Variants in TNIK observed in about 807,000 individuals in gnomAD.
TNIK encodes TRAF2 and NCK interacting kinase.
TNIK carries 49 observed loss-of-function variants against 191.3 expected under a neutral mutation model. That is an observed-to-expected ratio of 0.26 (90% CI 0.20 to 0.32). TNIK has a LOEUF of 0.32. Among genes scored for constraint, TNIK ranks in the 10% least tolerant of loss-of-function variants. The pLI is 1.00. For missense variants in TNIK, 1,155 were observed against 1,702.3 expected, an observed-to-expected ratio of 0.68 and a Z score of 5.66; for synonymous variants, 594 against 600.9, an observed-to-expected ratio of 0.99 and a Z score of 0.17.
intron 11 of TNIK, among the ~76,000 whole-genome samples, chr3:171,158,725 T>C (rs1418676831): frequency 6.6e-6 from 1 of 152,158 alleles, no homozygotes; most frequent in East Asian, 1.9e-4. Context: ...AGACAAATAA[T>C]TTCAGGTATT....
intron 1 of TNIK, among the ~76,000 whole-genome samples, chr3:171,442,671 C>T (rs1726973443): frequency 1.3e-5 from 2 of 152,158 alleles, no homozygotes; most frequent in African/African-American, 4.8e-5. Context: ...TAATAATTAT[C>T]CACTGGCACT....
At chr3:171,455,423 T>TA (rs975269987) in intron 1 of TNIK, among the ~76,000 whole-genome samples, 14 of 151,386 alleles carry the variant, frequency 9.2e-5, no homozygotes, top group African/African-American at 3.1e-4. Context: ...TTTTTTTTTT[T>TA]AGAGATGGAG....
intron 1 of TNIK, among the ~76,000 whole-genome samples, chr3:171,425,559 C>T (rs1724440941): frequency 6.6e-6 from 1 of 152,142 alleles, no homozygotes; most frequent in Admixed American, 6.6e-5. Flanking sequence ...GGCATGGTGG[C>T]TCACGCCTGT....
chr3:171,295,005 A>AAGAGAGAGAG (rs141597723), intron 2 of TNIK, among the ~76,000 whole-genome samples: 4 of 146,596 alleles, frequency 2.7e-5, no homozygotes, highest in South Asian at 4.4e-4. Flanking sequence ...CTGGCCAGGG[A>AAGAGAGAGAG]AGAGAGAGAG....
rs1011923971 is a variant in TNIK at position 171,062,193 on chromosome 3, C to G, written c.*1688G>C. 2 of 152,042 alleles carry G rather than the reference C, an allele frequency of 1.3e-5. No individual in the cohort carries two copies. The highest frequency in any genetic ancestry group is 4.8e-5 in the African/African-American group (2 of 41,398). The allele number at this position is 152,042 out of a possible 1,614,324, so 9.4% of individuals were successfully genotyped here. A position where few individuals can be genotyped will look rare whatever the true frequency, so the allele number is the denominator to read the frequency against. ...TTTTTTGTTGTTGTTGTTCCATTTA[C>G]AGTAATTATTTTCTCCAGAAACAAG... On this transcript the variant is annotated 3_prime_UTR_variant, in exon 33 of 33. Coordinates refer to ENST00000436636, the MANE Select transcript of TNIK (RefSeq NM_015028.4).
intron 1 of TNIK, among the ~76,000 whole-genome samples, chr3:171,452,631 C>T (rs1404238316): frequency 6.6e-6 from 1 of 151,842 alleles, no homozygotes; most frequent in Non-Finnish European, 1.5e-5. Flanking sequence ...CAGTGGGCCA[C>T]CCCAGAAGCA....
chr3:171,314,952 G>C (rs1754443135), intron 2 of TNIK, among the ~76,000 whole-genome samples: 1 of 152,088 alleles, frequency 6.6e-6, no homozygotes. Context: ...CTGAGTGCTA[G>C]GGAACTCAAT....
At chr3:171,421,605 T>C (rs1723805379) in intron 1 of TNIK, among the ~76,000 whole-genome samples, 1 of 152,116 alleles carries the variant, frequency 6.6e-6, no homozygotes, top group African/African-American at 2.4e-5. Flanking sequence ...CACCTCCAGC[T>C]GTACTCCAAC....
rs80132349 is a variant in TNIK, at chr3:171,122,117, A to G, written c.2120+1479T>C. On this transcript the variant is annotated intron_variant, in intron 18 of 32. Coordinates refer to ENST00000436636, the MANE Select transcript of TNIK (RefSeq NM_015028.4). ...TAATGTCACTAAAATAGCACTTCAG[A>G]GGGAATGGAAATGGCTTTTTATTTG... 6.0e-3 allele frequency among the ~76,000 whole-genome samples: 912 copies of G among 152,344 alleles called. 9 individuals carry two copies. The highest frequency in any genetic ancestry group is 0.021 in the African/African-American group (881 of 41,574).
At chr3:171,388,491 G>A (rs977509383) in intron 1 of TNIK, among the ~76,000 whole-genome samples, 12 of 152,146 alleles carry the variant, frequency 7.9e-5, no homozygotes, top group East Asian at 1.9e-4. Context: ...GTCCTGCCAC[G>A]CATTAGCTAT....
intron 23 of TNIK, among the ~76,000 whole-genome samples, chr3:171,091,995 G>A (rs1722135339): frequency 1.3e-5 from 2 of 150,050 alleles, no homozygotes; most frequent in African/African-American, 4.9e-5. Flanking sequence ...TGTCGCCCAG[G>A]CTGGAGTGCA....
At chr3:171,152,776 G>GT (rs11346783) in intron 12 of TNIK, among the ~76,000 whole-genome samples, 124 of 139,834 alleles carry the variant, frequency 8.9e-4, no homozygotes, top group Middle Eastern at 3.7e-3. Context: ...TTTGTTTTTT[G>GT]TTTTTTTTTT....
At chr3:171,111,812 T>C (rs1412860765) in intron 18 of TNIK, among the ~76,000 whole-genome samples, 1 of 152,188 alleles carries the variant, frequency 6.6e-6, no homozygotes, top group Non-Finnish European at 1.5e-5. Flanking sequence ...GATATATCTC[T>C]CTCTCAAAAA....
At chr3:171,223,523 T>A (rs1193401870) in intron 3 of TNIK, among the ~76,000 whole-genome samples, 2 of 152,130 alleles carry the variant, frequency 1.3e-5, no homozygotes, top group African/African-American at 4.8e-5. Context: ...ACAATGTGGT[T>A]AAGAGGATAG....
chr3:171,405,508 T>A (rs1474570334), intron 1 of TNIK, among the ~76,000 whole-genome samples: 8 of 144,398 alleles, frequency 5.5e-5, no homozygotes, highest in South Asian at 2.2e-4. Context: ...CCAAATCTGG[T>A]AAAAAAAAAA....
At chr3:171,444,849 A>G (rs922462474) in intron 1 of TNIK, among the ~76,000 whole-genome samples, 2 of 152,058 alleles carry the variant, frequency 1.3e-5, no homozygotes, top group East Asian at 3.9e-4. Flanking sequence ...GCATACCCAA[A>G]TTTCCATGAA....
intron 1 of TNIK, among the ~76,000 whole-genome samples, chr3:171,427,003 C>T (rs1238407532): frequency 3.3e-5 from 5 of 152,134 alleles, no homozygotes; most frequent in East Asian, 3.8e-4. Flanking sequence ...AGATCACAGA[C>T]GAAAGGGATA....
chr3:171,183,880 C>T (rs1737018553), intron 7 of TNIK, among the ~76,000 whole-genome samples: 1 of 143,324 alleles, frequency 7.0e-6, no homozygotes, highest in Non-Finnish European at 1.5e-5. Context: ...GAGATCGTGC[C>T]ACTGCATTCC....
intron 2 of TNIK, among the ~76,000 whole-genome samples, chr3:171,228,529 G>A (rs1244311379): frequency 6.6e-6 from 1 of 152,172 alleles, no homozygotes; most frequent in African/African-American, 2.4e-5. Context: ...ATGTCGAAGG[G>A]GAGCTAGGCC....
Sources: gnomAD v4.1 joint callset for allele counts (sites outside exome capture counted in the v4.1 genomes callset) on GRCh38, gnomAD v4.1.1 for gene constraint, MANE v1.5 for transcripts, NCBI Gene and HGNC (gene_info 2026-07-23, HGNC 2026-07-21) for gene names.